The following JHY variants were observed in gnomAD, a reference collection of about 807,000 sequenced individuals.
JHY encodes jhy protein homolog.
In JHY, 69 loss-of-function variants were observed where a neutral mutation model predicts 78.0. The observed-to-expected ratio is 0.88, with a 90% confidence interval of 0.73 to 1.08. The LOEUF (loss-of-function observed/expected upper bound fraction) is 1.08, where lower values mean the gene tolerates loss of function less well. Ranked by LOEUF, JHY falls within the 50% of genes least tolerant of loss-of-function variation. The pLI is 0.00. For missense variants in JHY, 944 were observed against 927.8 expected (o/e 1.02, Z -0.23); for synonymous variants, 368 against 342.6 (o/e 1.07, Z -0.82).
Position 122,886,090 on chromosome 11 carries a change from C to G in JHY, c.241C>G (p.Arg81Gly), listed in dbSNP as rs549723158. The G allele has an allele frequency of 1.6e-5, 26 of 1,614,064 alleles. No individual in the cohort carries two copies. In the African/African-American group the frequency reaches 3.1e-4, roughly 19 times the overall value. Residue 81 changes from arginine to glycine, a missense_variant, in exon 2 of 9, where the codon CGA (arginine) becomes GGA (glycine). Coordinates refer to ENST00000227349, the MANE Select transcript of JHY (RefSeq NM_024806.4). ...PDSLDEEESP[R>G]WGSLHEMEEE... ...CAGCTTAGACGAGGAGGAAAGCCCT[C>G]GATGGGGAAGCCTGCACGAGATGGA... is the stretch of plus-strand genomic sequence containing the variant.
At chr11:122,903,485 T>A (rs1211770662) in intron 2 of JHY, among the ~76,000 whole-genome samples, 1 of 152,176 alleles carries the variant, frequency 6.6e-6, no homozygotes, top group Non-Finnish European at 1.5e-5. Flanking sequence ...TCAATTAATT[T>A]ATTTATTTTA....
At chr11:122,925,599 A>T (rs766687453) in intron 4 of JHY, among the ~76,000 whole-genome samples, 1 of 152,178 alleles carries the variant, frequency 6.6e-6, no homozygotes, top group Non-Finnish European at 1.5e-5. Flanking sequence ...AAACAGAAAA[A>T]GGTCAGACAC....
chr11:122,919,581 G>A (rs184190121), intron 3 of JHY, among the ~76,000 whole-genome samples: 9 of 152,268 alleles, frequency 5.9e-5, no homozygotes, highest in African/African-American at 1.9e-4. Context: ...GGAGGGTAAT[G>A]GAAAAGTATT....
At chr11:122,905,294 A>C in intron 3 of JHY, 1 of 1,611,276 alleles carries the variant, frequency 6.2e-7, no homozygotes, top group Non-Finnish European at 8.5e-7. Flanking sequence ...GGACATGTCC[A>C]GGGATACAGG....
intron 2 of JHY, among the ~76,000 whole-genome samples, chr11:122,894,465 T>C (rs1255764058): frequency 1.3e-5 from 2 of 152,192 alleles, no homozygotes; most frequent in African/African-American, 2.4e-5. Flanking sequence ...AAAAAAACAC[T>C]CGAGCCTTCC....
Position 122,905,292 on chromosome 11 carries a change from C to A in JHY, c.864+848C>A, listed in dbSNP as rs373692061. ...TCCTGCCCACCTCCTATGGACATGT[C>A]CAGGGATACAGGACAAGAGTGGGGT... On this transcript the variant is annotated intron_variant, in intron 3 of 8. Coordinates refer to ENST00000227349, the MANE Select transcript of JHY (RefSeq NM_024806.4). 9.1e-5 allele frequency: 146 copies of A among 1,611,196 alleles called. 1 individual carries two copies. The highest frequency in any genetic ancestry group is 8.4e-4 in the South Asian group (76 of 90,586).
chr11:122,907,856 A>ATG (rs1863028776), intron 3 of JHY, among the ~76,000 whole-genome samples: 1 of 138,410 alleles, frequency 7.2e-6, no homozygotes, highest in African/African-American at 2.6e-5. Context: ...AAAAAAGGTG[A>ATG]TTTTTTTTTT....
intron 2 of JHY, 53 bp downstream of exon 2, chr11:122,886,246 A>G: frequency 1.3e-6 from 2 of 1,496,758 alleles, no homozygotes; most frequent in Non-Finnish European, 1.8e-6. Context: ...GTATCATTAG[A>G]TAATTACTGT....
At chr11:122,938,424 A>G (rs1461474757) in intron 5 of JHY, among the ~76,000 whole-genome samples, 2 of 151,362 alleles carry the variant, frequency 1.3e-5, no homozygotes, top group East Asian at 1.9e-4. Flanking sequence ...TGTTTCTGTT[A>G]TTGGTTTCTG....
intron 3 of JHY, among the ~76,000 whole-genome samples, chr11:122,907,837 A>C (rs1459905240): frequency 1.4e-4 from 21 of 151,116 alleles, no homozygotes; most frequent in Middle Eastern, 6.8e-3. Flanking sequence ...CTATCTCAAA[A>C]AAAAAAAAAA....
chr11:122,941,947 T>C (rs1363186487), intron 5 of JHY, among the ~76,000 whole-genome samples: 10 of 152,022 alleles, frequency 6.6e-5, no homozygotes, highest in Admixed American at 6.6e-4. Context: ...TTTCGGCTCA[T>C]TGCAACCTCT....
intron 3 of JHY, among the ~76,000 whole-genome samples, chr11:122,913,337 CG>C (rs1863169996): frequency 1.3e-5 from 2 of 152,142 alleles, no homozygotes; most frequent in Admixed American, 6.6e-5. Flanking sequence ...ATTAATAACT[CG>C]GGATCATGTA....
intron 3 of JHY, among the ~76,000 whole-genome samples, chr11:122,916,473 A>G (rs182067158): frequency 1.3e-5 from 2 of 152,220 alleles, no homozygotes; most frequent in Non-Finnish European, 2.9e-5. Flanking sequence ...TGCAGATTCT[A>G]TTGGTTAGAG....
chr11:122,947,854 G>A (rs1254192817), intron 6 of JHY, among the ~76,000 whole-genome samples: 1 of 152,198 alleles, frequency 6.6e-6, no homozygotes, highest in East Asian at 1.9e-4. Context: ...CTTGGCCAAG[G>A]TTCTGAGGGT....
chr11:122,954,219 G>A (rs1474347362), intron 6 of JHY, among the ~76,000 whole-genome samples: 2 of 152,294 alleles, frequency 1.3e-5, no homozygotes, highest in Admixed American at 1.3e-4. Context: ...TGCAGCTCCA[G>A]CTCCAGGAAT....
chr11:122,911,534 G>A (rs1161435204), intron 3 of JHY, among the ~76,000 whole-genome samples: 3 of 152,116 alleles, frequency 2.0e-5, no homozygotes, highest in Admixed American at 6.5e-5. Context: ...CCAGTCATAC[G>A]GCAAAGATAA....
At chr11:122,949,857 G>A (rs1040354430) in intron 6 of JHY, among the ~76,000 whole-genome samples, 17 of 138,952 alleles carry the variant, frequency 1.2e-4, no homozygotes, top group Admixed American at 9.5e-4. Context: ...TTTTTTTTGA[G>A]ACAGAATCTC....
At chr11:122,948,474 A>C (rs968887968) in intron 6 of JHY, among the ~76,000 whole-genome samples, 6 of 126,052 alleles carry the variant, frequency 4.8e-5, no homozygotes, top group African/African-American at 1.5e-4. Flanking sequence ...TAATAATAAT[A>C]ATAATGATTT....
intron 3 of JHY, among the ~76,000 whole-genome samples, chr11:122,924,148 A>AT (rs1424071574): frequency 1.3e-5 from 2 of 151,742 alleles, no homozygotes; most frequent in Non-Finnish European, 1.5e-5. Context: ...GGGCATTAGT[A>AT]TTTTTTTTAA....
Sources: gnomAD v4.1 joint callset for allele counts (sites outside exome capture counted in the v4.1 genomes callset) on GRCh38, gnomAD v4.1.1 for gene constraint, MANE v1.5 for transcripts, NCBI Gene and HGNC (gene_info 2026-07-23, HGNC 2026-07-21) for gene names.